Variants in OSBPL10 observed in about 807,000 individuals in gnomAD.
OSBPL10 encodes oxysterol binding protein like 10.
A neutral mutation model predicts 81.7 loss-of-function variants in OSBPL10; 49 were observed. That is an observed-to-expected ratio of 0.60 (90% CI 0.48 to 0.76). OSBPL10 has a LOEUF of 0.76. Among genes scored for constraint, OSBPL10 ranks in the 30% least tolerant of loss-of-function variants. The pLI, the probability that OSBPL10 is intolerant of heterozygous loss-of-function variation, is 0.00. For synonymous variants in OSBPL10, 419 were observed against 383.6 expected, an observed-to-expected ratio of 1.09 and a Z score of -1.08; for missense variants, 923 against 987.8, an observed-to-expected ratio of 0.93 and a Z score of 0.88.
At chr3:31,777,448 T>C (rs1335334093) in intron 4 of OSBPL10, among the ~76,000 whole-genome samples, 1 of 152,140 alleles carries the variant, frequency 6.6e-6, no homozygotes, top group African/African-American at 2.4e-5. Context: ...AGTGCTAATG[T>C]CCCTTTCTCT....
intron 3 of OSBPL10, among the ~76,000 whole-genome samples, chr3:31,857,825 G>A (rs370959946): frequency 6.8e-4 from 38 of 55,568 alleles, no homozygotes; most frequent in East Asian, 1.1e-3. Flanking sequence ...AAAGGGAGAG[G>A]GAGAGGGAGA....
At chr3:31,938,657 C>T (rs530812368) in intron 1 of OSBPL10, among the ~76,000 whole-genome samples, 16 of 152,124 alleles carry the variant, frequency 1.1e-4, no homozygotes, top group South Asian at 8.3e-4. Context: ...TACAGGCACA[C>T]GCCAACTCAC....
In OSBPL10 at chr3:31,700,205, G is replaced by T. The variant is rs188467769; in HGVS notation, c.1245+2154C>A. 3.3e-5 allele frequency: 5 copies of T among 152,262 alleles called. No individual in the cohort carries two copies. In the East Asian group the frequency reaches 7.7e-4, roughly 23 times the overall value. 9.4% of individuals were successfully genotyped at this position (152,262 alleles called of 1,614,324 possible). ...TCTTTCAGGTACTCAACTGAGTATT[G>T]GGAGAAATGCAATGTCTGCTCTTTC... On this transcript the variant is annotated intron_variant, in intron 7 of 11. Coordinates refer to ENST00000396556, the MANE Select transcript of OSBPL10 (RefSeq NM_017784.5).
chr3:31,813,197 C>T lies in OSBPL10; in HGVS notation c.729+16843G>A, dbSNP rs921908454. Among the ~76,000 whole-genome samples, 15 of 152,332 alleles carry T rather than the reference C, an allele frequency of 9.8e-5. No individual in the cohort carries two copies. The East Asian group carries it at 2.9e-3, about 29-fold the overall frequency. On this transcript the variant is annotated intron_variant, in intron 4 of 11. Transcript: ENST00000396556. Reference sequence around the variant, plus strand: ...GAAAAACCTTCAGAAAGAAATCTTACAGTGTCTTTTCCATGGTGACATCAA... The same window carrying T: ...GAAAAACCTTCAGAAAGAAATCTTATAGTGTCTTTTCCATGGTGACATCAA...
At chr3:31,817,364 G>A (rs980026199) in intron 4 of OSBPL10, among the ~76,000 whole-genome samples, 1 of 152,202 alleles carries the variant, frequency 6.6e-6, no homozygotes, top group Admixed American at 6.5e-5. Context: ...CAGACAGCAG[G>A]AACAGACATC....
intron 1 of OSBPL10, among the ~76,000 whole-genome samples, chr3:31,912,230 T>C (rs1041669476): frequency 4.0e-5 from 6 of 151,726 alleles, no homozygotes; most frequent in Non-Finnish European, 7.4e-5. Flanking sequence ...TCCGTCTCTA[T>C]TAAAAATACA....
chr3:31,986,839 C>T (rs930700042), intron 2 of OSBPL10, among the ~76,000 whole-genome samples: 4 of 151,638 alleles, frequency 2.6e-5, no homozygotes, highest in Admixed American at 2.6e-4. Flanking sequence ...ACTCCATCTC[C>T]AAAAAAATTT....
intron 8 of OSBPL10, among the ~76,000 whole-genome samples, chr3:31,678,782 CTGTGTGTG>C (rs67616509): frequency 0.05 from 6,813 of 135,594 alleles, 202 homozygotes; most frequent in East Asian, 0.11. Flanking sequence ...CAGATTCAAA[CTGTGTGTG>C]TGTGTGTGTG....
intron 4 of OSBPL10, among the ~76,000 whole-genome samples, chr3:31,809,073 C>G (rs145623174): frequency 2.0e-4 from 31 of 152,266 alleles, no homozygotes; most frequent in African/African-American, 7.2e-4. Flanking sequence ...ACAACCGCCA[C>G]TACTATTTAG....
rs535156106 is a variant in OSBPL10 at position 31,855,003 on chromosome 3, GGTTTT to G, written c.537+21425_537+21429del. Among the ~76,000 whole-genome samples, 579 of 151,392 alleles carry G rather than the reference GGTTTT, an allele frequency of 3.8e-3. 4 individuals carry two copies. Among genetic ancestry groups the G allele is most frequent in the South Asian group, 0.021 (103 of 4,820 alleles). ...GGTAGGTATCGCATTTGGTTGTCAT[GGTTTT>G]GTTTTGTTTTGTTTTGTTTTTGTTT... On this transcript the variant is annotated intron_variant, in intron 3 of 11. Transcript: ENST00000396556.
intron 1 of OSBPL10, among the ~76,000 whole-genome samples, chr3:31,979,664 G>A (rs183741057): frequency 6.6e-6 from 1 of 151,748 alleles, no homozygotes; most frequent in African/African-American, 2.4e-5. Flanking sequence ...TGTTCTCCTC[G>A]CACTGACACT....
intron 8 of OSBPL10, among the ~76,000 whole-genome samples, chr3:31,674,886 ACT>A (rs373990430): frequency 2.5e-4 from 38 of 152,260 alleles, no homozygotes; most frequent in African/African-American, 8.7e-4. Flanking sequence ...CTACCGGATG[ACT>A]CTGCCCAACG....
intron 1 of OSBPL10, among the ~76,000 whole-genome samples, chr3:31,967,949 ACCC>A: frequency 6.6e-6 from 1 of 152,172 alleles, no homozygotes; most frequent in Non-Finnish European, 1.5e-5. Context: ...TATAGTGCAC[ACCC>A]CAAGGTTTTT....
At chr3:31,982,759 C>G (rs12629793), upstream of OSBPL10, among the ~76,000 whole-genome samples, 12,681 of 152,174 alleles carry the variant, frequency 0.083, 1,041 homozygotes, top group East Asian at 0.47. Flanking sequence ...CCTTAGTTTT[C>G]TCACTGCAAA....
chr3:31,981,378 T>G, upstream of OSBPL10: 2 of 925,784 alleles, frequency 2.2e-6, no homozygotes, highest in Non-Finnish European at 2.8e-6. This position sits in a 1 kb window ranked among gnomAD's most constrained non-coding sequence, Gnocchi z 4.5. Context: ...TGGATGCAGC[T>G]GCGGCCGCCC....
chr3:31,932,426 T>C (rs1357192946), intron 1 of OSBPL10, among the ~76,000 whole-genome samples: 1 of 152,192 alleles, frequency 6.6e-6, no homozygotes, highest in African/African-American at 2.4e-5. Flanking sequence ...TGCTGCTTGT[T>C]CTAACAATAT....
At chr3:31,966,905 A>G (rs1470266360) in intron 1 of OSBPL10, among the ~76,000 whole-genome samples, 6 of 152,198 alleles carry the variant, frequency 3.9e-5, no homozygotes, top group African/African-American at 1.4e-4. Flanking sequence ...CACATTTACT[A>G]AAATGCCTAA....
intron 5 of OSBPL10, among the ~76,000 whole-genome samples, chr3:31,745,230 T>A (rs1334940962): frequency 1.3e-5 from 2 of 152,250 alleles, no homozygotes; most frequent in African/African-American, 4.8e-5. Context: ...AAGAGGACTA[T>A]ACTCGTTAAT....
At chr3:31,826,740 T>A (rs539967288) in intron 4 of OSBPL10, among the ~76,000 whole-genome samples, 13 of 152,346 alleles carry the variant, frequency 8.5e-5, no homozygotes, top group African/African-American at 3.1e-4. Flanking sequence ...AATTAATAAC[T>A]GCGGAACTTT....
Sources: gnomAD v4.1 joint callset for allele counts (sites outside exome capture counted in the v4.1 genomes callset) on GRCh38, gnomAD v4.1.1 for gene constraint, Gnocchi (gnomAD v3.1) non-coding constraint, MANE v1.5 for transcripts, NCBI Gene and HGNC (gene_info 2026-07-23, HGNC 2026-07-21) for gene names.